The following STAB2 variants were observed in gnomAD, a reference collection of about 807,000 sequenced individuals.
The protein encoded by STAB2 is stabilin 2.
In STAB2, 288 loss-of-function variants were observed where a neutral mutation model predicts 338.1. The observed-to-expected ratio is 0.85, with a 90% CI of 0.77 to 0.94. The LOEUF (loss-of-function observed/expected upper bound fraction) is 0.94. STAB2 is among the 40% of genes least tolerant of loss of function. The pLI, the probability that STAB2 is intolerant of heterozygous loss-of-function variation, is 0.00. For missense variants in STAB2, 3,141 were observed against 3,210.1 expected (o/e 0.98, Z 0.52); for synonymous variants, 1,202 against 1,193.3 (o/e 1.01, Z -0.15).
chr12:103,659,519 C>T (rs1010011263), intron 15 of STAB2, among the ~76,000 whole-genome samples: 1 of 152,230 alleles, frequency 6.6e-6, no homozygotes, highest in Non-Finnish European at 1.5e-5. Context: ...AATAGCAGAA[C>T]TTGAGGGCTG....
At chr12:103,687,809 C>A (rs1344022251) in intron 27 of STAB2, among the ~76,000 whole-genome samples, 1 of 152,190 alleles carries the variant, frequency 6.6e-6, no homozygotes, top group African/African-American at 2.4e-5. Flanking sequence ...TGAAAGGGGG[C>A]TATTTGCTGA....
At chr12:103,695,153 G>A (rs1035847609) in intron 31 of STAB2, among the ~76,000 whole-genome samples, 4 of 152,150 alleles carry the variant, frequency 2.6e-5, no homozygotes, top group Admixed American at 6.5e-5. Context: ...ATAAACACAC[G>A]AATAACAACC....
intron 41 of STAB2, among the ~76,000 whole-genome samples, chr12:103,713,036 G>C (rs1206599224): frequency 6.6e-6 from 1 of 152,150 alleles, no homozygotes; most frequent in Non-Finnish European, 1.5e-5. Flanking sequence ...AGACTCCCCA[G>C]GTTTGAACCT....
In STAB2 at chr12:103,755,647, G is replaced by A. The variant is rs1884046076; in HGVS notation, c.6916G>A (p.Asp2306Asn). The A allele has an allele frequency of 6.2e-7, 1 of 1,614,072 alleles. No homozygotes were observed. Among genetic ancestry groups the A allele is most frequent in the Non-Finnish European group, 8.5e-7 (1 of 1,180,044 alleles). Reference protein sequence around the residue: ...NCTCKVGYVGDGFSCSGNLLQ... With the variant: ...NCTCKVGYVGNGFSCSGNLLQ... Reference sequence around the variant, plus strand: ...CACCTGCAAGGTGGGCTATGTGGGAGATGGCTTCTCATGCAGTGGGAACCT... The same window carrying A: ...CACCTGCAAGGTGGGCTATGTGGGAAATGGCTTCTCATGCAGTGGGAACCT... The change falls in exon 63 of 69, where the codon GAT becomes AAT. Residue 2306 changes from aspartate to asparagine, a missense_variant. Coordinates refer to ENST00000388887, the MANE Select transcript of STAB2 (RefSeq NM_017564.10).
At chr12:103,590,115 C>T (rs1195205875) in intron 1 of STAB2, among the ~76,000 whole-genome samples, 2 of 152,068 alleles carry the variant, frequency 1.3e-5, no homozygotes, top group African/African-American at 2.4e-5. Context: ...GGATCAGCCT[C>T]GGCATTATGA....
In STAB2 at chr12:103,695,568, C is replaced by T. The variant is rs774399123; in HGVS notation, c.3394C>T (p.Arg1132Cys). 5 of 1,614,154 alleles carry T rather than the reference C, an allele frequency of 3.1e-6. No individual in the cohort carries two copies. The highest frequency in any genetic ancestry group is 2.2e-5 in the South Asian group (2 of 91,084). Residue 1132 changes from arginine (R) to cysteine (C), a missense_variant, in exon 32 of 69, where the codon CGT (arginine) becomes TGT (cysteine). Coordinates refer to ENST00000388887, the MANE Select transcript of STAB2 (RefSeq NM_017564.10). Reference protein sequence around the residue: ...IINKVLVPQRRLTGSLPNLLM... With the variant: ...IINKVLVPQRCLTGSLPNLLM... ...TTTTCAGGTGCTGGTCCCACAAAGA[C>T]GTCTAACTGGCTCCTTACCAAACCT... is the stretch of plus-strand genomic sequence containing the variant.
At position 103,689,832 on chromosome 12, in the gene STAB2, C is replaced by A. The variant is rs568188371; in HGVS notation, c.3046-14C>A. Reference sequence around the variant, plus strand: ...AACATAAGCAGGTCACTTTATTTTCCTTCTGTGGTTCAGAATGCTTCTCTA... The same window carrying A: ...AACATAAGCAGGTCACTTTATTTTCATTCTGTGGTTCAGAATGCTTCTCTA... On this transcript the variant is annotated splice_polypyrimidine_tract_variant and intron_variant, in intron 28 of 68. Transcript: ENST00000388887. The A allele has an allele frequency of 2.7e-5, 43 of 1,609,518 alleles. No homozygotes were observed. The Middle Eastern group carries it at 5.6e-3, about 211-fold the overall frequency.
Position 103,652,594 on chromosome 12 carries a change from C to G in STAB2, c.1296C>G (p.Tyr432Ter). 1.2e-6 allele frequency: 2 copies of G among 1,607,470 alleles called. No homozygotes were observed. The highest frequency in any genetic ancestry group is 1.1e-5 in the South Asian group (1 of 88,702). ...ELLVDNKAAQ[Y>*]FVKLHIIAGQ... The stretch of plus-strand genomic sequence containing the variant: ...TGGTGGATAATAAAGCTGCTCAATA[C>G]TTTGTGAAACTCCACATAATTGCTG... Residue 432 changes from tyrosine to a stop codon, truncating the protein, a stop_gained, in exon 12 of 69, where the codon TAC (tyrosine) becomes TAG (stop). Coordinates refer to ENST00000388887, the MANE Select transcript of STAB2 (RefSeq NM_017564.10). LOFTEE classifies it high-confidence loss of function.
In STAB2 at chr12:103,698,945, T is replaced by C. The variant is rs1294410058; in HGVS notation, c.3583-151T>C. ...ATCTGTTTCACAACTCACTTTCATATTGAATATTGTGTCTTAATACCTCTG... is the reference window on the plus strand; with the variant it reads ...ATCTGTTTCACAACTCACTTTCATACTGAATATTGTGTCTTAATACCTCTG... On this transcript the variant is annotated intron_variant, in intron 33 of 68. Coordinates refer to ENST00000388887, the MANE Select transcript of STAB2 (RefSeq NM_017564.10). 9 of 920,450 alleles carry C rather than the reference T, an allele frequency of 9.8e-6. No individual in the cohort carries two copies. In the African/African-American group the frequency reaches 1.5e-4, roughly 15 times the overall value. The allele number at this position is 920,450 out of a possible 1,614,324, so 57.0% of individuals were successfully genotyped here.
At chr12:103,706,756 A>G in intron 37 of STAB2, 36 bp from the exon 38 acceptor site, 1 of 1,613,096 alleles carries the variant, frequency 6.2e-7, no homozygotes, top group African/African-American at 1.3e-5. Flanking sequence ...ACCAGAGGAT[A>G]GAAGTGCGTT....
chr12:103,716,306 T>C (rs776706833), intron 43 of STAB2, among the ~76,000 whole-genome samples: 1 of 152,146 alleles, frequency 6.6e-6, no homozygotes, highest in African/African-American at 2.4e-5. Context: ...CTGAGTACCA[T>C]GAGCTTGCAG....
chr12:103,608,914 G>A (rs554692354), intron 3 of STAB2, among the ~76,000 whole-genome samples: 17 of 152,336 alleles, frequency 1.1e-4, no homozygotes, highest in African/African-American at 4.1e-4. Flanking sequence ...CGGCTAGCCA[G>A]TTTTCCCAGC....
intron 40 of STAB2, among the ~76,000 whole-genome samples, chr12:103,711,808 T>G (rs1460983832): frequency 6.6e-6 from 1 of 152,196 alleles, no homozygotes; most frequent in Admixed American, 6.5e-5. Flanking sequence ...CCAGTGGGCC[T>G]CAGTTTCCAT....
chr12:103,705,109 A>G lies in STAB2; in HGVS notation c.3900+495A>G, dbSNP rs141571622. ...TCTGATTACATTACAAAGAATACTC[A>G]TGTACCTTCAACAGCATAATAGTTT... is the stretch of plus-strand genomic sequence containing the variant. On this transcript the variant is annotated intron_variant, in intron 36 of 68. Transcript: ENST00000388887. 732 of 157,422 alleles carry G rather than the reference A, an allele frequency of 4.6e-3. 6 individuals carry two copies. The highest frequency in any genetic ancestry group is 0.016 in the African/African-American group (686 of 41,628). 9.8% of individuals were successfully genotyped at this position (157,422 alleles called of 1,614,324 possible). A position where few individuals can be genotyped will look rare whatever the true frequency, so the allele number is the denominator to read the frequency against.
intron 63 of STAB2, among the ~76,000 whole-genome samples, chr12:103,756,080 A>G (rs921703217): frequency 2.2e-5 from 3 of 134,436 alleles, no homozygotes; most frequent in African/African-American, 8.3e-5. Context: ...TGTATGTGGA[A>G]CAGTTTAAGA....
intron 33 of STAB2, among the ~76,000 whole-genome samples, chr12:103,697,164 G>A (rs146162076): frequency 0.011 from 1,669 of 152,192 alleles, 9 homozygotes; most frequent in African/African-American, 0.016. Flanking sequence ...GCTCTCTCCC[G>A]CCTCTGAATT....
At chr12:103,661,852 G>A (rs888555571) in intron 17 of STAB2, among the ~76,000 whole-genome samples, 6 of 152,310 alleles carry the variant, frequency 3.9e-5, no homozygotes, top group South Asian at 4.1e-4. Flanking sequence ...GAGCAAAAGG[G>A]AGAAGAGTAG....
intron 3 of STAB2, among the ~76,000 whole-genome samples, chr12:103,603,261 G>A (rs978561209): frequency 2.6e-5 from 4 of 151,972 alleles, no homozygotes; most frequent in East Asian, 1.9e-4. Context: ...TAGTAGAGAC[G>A]GGGTTTCATC....
chr12:103,638,291 A>G (rs1235145264), intron 8 of STAB2, 79 bp downstream of exon 8: 1 of 1,456,494 alleles, frequency 6.9e-7, no homozygotes, highest in East Asian at 2.4e-5. Context: ...TTTGTCTTCT[A>G]TGCCATCCCA....
Sources: allele counts gnomAD v4.1 joint callset (sites outside exome capture counted in the v4.1 genomes callset), GRCh38; gene constraint gnomAD v4.1.1; transcripts MANE v1.5; gene names NCBI Gene and HGNC (gene_info 2026-07-23, HGNC 2026-07-21).